The following GRXCR2 variants were observed in gnomAD, a reference collection of about 807,000 sequenced individuals.
The protein encoded by GRXCR2 is glutaredoxin and cysteine rich domain containing 2, also known as glutaredoxin domain-containing cysteine-rich protein 2.
A neutral mutation model predicts 24.8 loss-of-function variants in GRXCR2; 23 were observed. The observed-to-expected ratio is 0.93, with a 90% confidence interval of 0.67 to 1.32. The LOEUF is 1.32. GRXCR2 is among the 40% of genes most tolerant of loss of function. The pLI is 0.00. For synonymous variants in GRXCR2, 130 were observed against 116.1 expected (o/e 1.12, Z -0.77); for missense variants, 315 against 303.4 (o/e 1.04, Z -0.28).
At chr5:145,889,243 A>AGAAG (rs1408862997) in intron 2 of GRXCR2, among the ~76,000 whole-genome samples, 1 of 147,584 alleles carries the variant, frequency 6.8e-6, no homozygotes, top group Non-Finnish European at 1.5e-5. Flanking sequence ...AAAGAAAGAA[A>AGAAG]GAATTATGCA....
At position 145,889,178 on chromosome 5, in the gene GRXCR2, AAGAAAG is replaced by A. The variant is rs1561683091; in HGVS notation, c.-69-22456_-69-22451del. ...ACCGAGACTCTGTCTCAAAAAAAGA[AAGAAAG>A]AAAGAAAGAAAGAAAGAAAGAAAGA... On this transcript the variant is annotated intron_variant, in intron 2 of 3. Coordinates refer to the GRXCR2 transcript ENST00000639411. 4.3e-3 allele frequency among the ~76,000 whole-genome samples: 455 copies of A among 105,122 alleles called. 1 individual carries two copies. The highest frequency in any genetic ancestry group is 5.6e-3 in the Admixed American group (63 of 11,274). The allele number at this position is 105,122 out of a possible 152,430, so 69.0% of individuals were successfully genotyped here.
intron 2 of GRXCR2, among the ~76,000 whole-genome samples, chr5:145,888,951 G>T (rs1268735568): frequency 6.6e-6 from 1 of 151,888 alleles, no homozygotes; most frequent in Non-Finnish European, 1.5e-5. Context: ...AGGTGGGCAG[G>T]TCACTTGAGG....
At chr5:145,927,958 A>C (rs553475483) in intron 2 of GRXCR2, among the ~76,000 whole-genome samples, 4 of 152,330 alleles carry the variant, frequency 2.6e-5, no homozygotes, top group South Asian at 2.1e-4. Flanking sequence ...CATCAGAGTA[A>C]ACAGGCAACC....
intron 2 of GRXCR2, among the ~76,000 whole-genome samples, chr5:145,895,346 T>G (rs927736967): frequency 2.0e-5 from 3 of 152,070 alleles, no homozygotes; most frequent in Non-Finnish European, 4.4e-5. Context: ...AGTCAAATTG[T>G]CCCTGTTTGC....
intron 2 of GRXCR2, among the ~76,000 whole-genome samples, chr5:145,879,930 C>G (rs112051198): frequency 0.049 from 7,436 of 152,228 alleles, 555 homozygotes; most frequent in African/African-American, 0.16. Flanking sequence ...GAACAACCTG[C>G]TCCTGAACAA....
At chr5:145,928,181 T>G (rs559766460) in intron 2 of GRXCR2, among the ~76,000 whole-genome samples, 38 of 151,712 alleles carry the variant, frequency 2.5e-4, no homozygotes, top group African/African-American at 9.2e-4. Flanking sequence ...ATCAGAGAAA[T>G]GCAAATCAAA....
intron 1 of GRXCR2, among the ~76,000 whole-genome samples, chr5:145,867,043 A>G (rs1756449532): frequency 6.6e-6 from 1 of 152,244 alleles, no homozygotes; most frequent in Non-Finnish European, 1.5e-5. Context: ...AGGGCTGGGT[A>G]CAATGAGTGT....
chr5:145,863,527 G>T (rs1396700447), intron 2 of GRXCR2, among the ~76,000 whole-genome samples: 1 of 152,012 alleles, frequency 6.6e-6, no homozygotes, highest in Non-Finnish European at 1.5e-5. Context: ...ATCATTTCTG[G>T]TCCTCTTCTG....
intron 2 of GRXCR2, among the ~76,000 whole-genome samples, chr5:145,915,363 G>A (rs182253528): frequency 6.6e-6 from 1 of 152,224 alleles, no homozygotes; most frequent in African/African-American, 2.4e-5. Flanking sequence ...TGAGGCTATT[G>A]TCCACCTTGA....
At chr5:145,882,957 T>C (rs887360624) in intron 2 of GRXCR2, among the ~76,000 whole-genome samples, 1 of 140,190 alleles carries the variant, frequency 7.1e-6, no homozygotes, top group Admixed American at 8.0e-5. Flanking sequence ...TCACTCATAG[T>C]TGGGAATTGA....
chr5:145,920,845 G>A (rs565076614), intron 2 of GRXCR2, among the ~76,000 whole-genome samples: 12 of 152,218 alleles, frequency 7.9e-5, no homozygotes, highest in African/African-American at 2.9e-4. Context: ...TAGGCCATGA[G>A]GGCAGAGACC....
chr5:145,858,487 GA>G (rs1756277955), downstream of GRXCR2: 1 of 152,178 alleles, frequency 6.6e-6, no homozygotes, highest in South Asian at 2.1e-4. Context: ...TCCTGAGTAT[GA>G]AAGGACAGGC....
At chr5:145,882,316 A>G (rs539490131) in intron 2 of GRXCR2, among the ~76,000 whole-genome samples, 1 of 152,310 alleles carries the variant, frequency 6.6e-6, no homozygotes, top group East Asian at 1.9e-4. Flanking sequence ...ACTCAAACAA[A>G]TGTACAAGAA....
At position 145,928,872 on chromosome 5, in the gene GRXCR2, T is replaced by G. The variant is rs925602628; in HGVS notation, c.-70+6829A>C. 2.6e-5 allele frequency among the ~76,000 whole-genome samples: 4 copies of G among 151,740 alleles called. No homozygotes were observed. In the South Asian group the frequency reaches 6.3e-4, roughly 24 times the overall value. On this transcript the variant is annotated intron_variant, in intron 2 of 3. Coordinates refer to the GRXCR2 transcript ENST00000639411. ...ACATATATAACTAACCTGCACATGT[T>G]GTGCACATGTACCCTAAAACTTAAA...
At chr5:145,888,896 G>A (rs181889109) in intron 2 of GRXCR2, among the ~76,000 whole-genome samples, 9 of 152,140 alleles carry the variant, frequency 5.9e-5, no homozygotes, top group East Asian at 5.8e-4. Context: ...ACAATGGGCC[G>A]GGTGCAGTGG....
intron 2 of GRXCR2, among the ~76,000 whole-genome samples, chr5:145,915,964 T>C (rs541611931): frequency 6.6e-6 from 1 of 152,210 alleles, no homozygotes; most frequent in East Asian, 1.9e-4. Flanking sequence ...TGGTCAACAA[T>C]GCAGGGTACC....
At chr5:145,906,919 A>G (rs529757420) in intron 2 of GRXCR2, among the ~76,000 whole-genome samples, 2 of 146,388 alleles carry the variant, frequency 1.4e-5, no homozygotes, top group South Asian at 4.3e-4. Flanking sequence ...AATTTTATAT[A>G]AAGTTATCAT....
At chr5:145,930,930 G>A (rs757687789) in intron 2 of GRXCR2, among the ~76,000 whole-genome samples, 3 of 152,224 alleles carry the variant, frequency 2.0e-5, no homozygotes, top group Non-Finnish European at 4.4e-5. Flanking sequence ...AACAGAGGAA[G>A]AGAGTAATTC....
chr5:145,904,889 G>A (rs977801839), intron 2 of GRXCR2, among the ~76,000 whole-genome samples: 1 of 152,168 alleles, frequency 6.6e-6, no homozygotes, highest in Non-Finnish European at 1.5e-5. Flanking sequence ...CTTGAAGGGC[G>A]CATGGTTCTT....
Sources: gnomAD v4.1 joint callset for allele counts (sites outside exome capture counted in the v4.1 genomes callset) on GRCh38, gnomAD v4.1.1 for gene constraint, MANE v1.5 for transcripts, NCBI Gene and HGNC (gene_info 2026-07-23, HGNC 2026-07-21) for gene names.